Variants in SIDT1 observed in about 807,000 individuals in gnomAD.
The protein encoded by SIDT1 is SID1 transmembrane family member 1, also known as SID1 transmembrane family, member 1.
SIDT1 carries 101 observed loss-of-function variants against 107.5 expected under a neutral mutation model. The observed-to-expected ratio is 0.94, with a 90% CI of 0.80 to 1.11. SIDT1 has a LOEUF of 1.11. Among genes scored for constraint, SIDT1 ranks in the 50% least tolerant of loss-of-function variants. The pLI, the probability that SIDT1 is intolerant of heterozygous loss-of-function variation, is 0.00. For synonymous variants in SIDT1, 395 were observed against 398.2 expected, an observed-to-expected ratio of 0.99 and a Z score of 0.10; for missense variants, 1,076 against 1,058.2, an observed-to-expected ratio of 1.02 and a Z score of -0.23.
chr3:113,619,852 T>A, intron 21 of SIDT1, 126 bp downstream of exon 21: 2 of 841,788 alleles, frequency 2.4e-6, no homozygotes, highest in South Asian at 1.6e-5. Context: ...CTGCTTGTTC[T>A]AGAGACTCAA....
chr3:113,625,146 G>T (rs758325038), intron 23 of SIDT1, among the ~76,000 whole-genome samples: 1 of 150,956 alleles, frequency 6.6e-6, no homozygotes, highest in African/African-American at 2.4e-5. Flanking sequence ...TTTTTTTTGG[G>T]GGGGCGGGGG....
intron 17 of SIDT1, among the ~76,000 whole-genome samples, chr3:113,610,397 A>G (rs1945648309): frequency 1.3e-5 from 2 of 152,238 alleles, no homozygotes; most frequent in African/African-American, 4.8e-5. Context: ...ACTAACGTTT[A>G]TTACTGTCAG....
chr3:113,566,507 C>A lies in SIDT1; in HGVS notation c.310C>A (p.Leu104Met). Residue 104 changes from leucine to methionine, a missense_variant, in exon 2 of 25, where the codon CTG (leucine) becomes ATG (methionine). Leu to Met is a conservative substitution (Grantham distance 15). Transcript: ENST00000264852. ...TGTGGTTCGCCAGCAGAAAGAGGTG[C>A]TGTCCTGGCAGGTTCCTCTGCTCTT... ...LVVVRQQKEVLSWQVPLLFQG... is the reference protein window; with the variant it reads ...LVVVRQQKEVMSWQVPLLFQG... 1 of 1,614,158 alleles carries A rather than the reference C, an allele frequency of 6.2e-7. No homozygotes were observed. The highest frequency in any genetic ancestry group is 2.2e-5 in the East Asian group (1 of 44,884).
At chr3:113,622,930 G>A (rs1946564709) in intron 21 of SIDT1, among the ~76,000 whole-genome samples, 1 of 152,096 alleles carries the variant, frequency 6.6e-6, no homozygotes, top group Non-Finnish European at 1.5e-5. Flanking sequence ...GCTCACGGCT[G>A]TAATCCCAGG....
intron 1 of SIDT1, among the ~76,000 whole-genome samples, chr3:113,550,754 C>A (rs1043684733): frequency 2.0e-5 from 3 of 151,760 alleles, no homozygotes; most frequent in Non-Finnish European, 4.4e-5. Flanking sequence ...TATTTTATTT[C>A]TTTTTAAACT....
chr3:113,604,857 G>T, intron 13 of SIDT1, 53 bp from the exon 14 acceptor site: 2 of 1,592,164 alleles, frequency 1.3e-6, no homozygotes, highest in Non-Finnish European at 1.7e-6. Flanking sequence ...ATTAACCAAA[G>T]ACTCCACTGT....
rs746768716 is a variant in SIDT1, at chr3:113,601,648, A to T, written c.1106A>T (p.Tyr369Phe). 1.4e-5 allele frequency: 23 copies of T among 1,612,456 alleles called. No homozygotes were observed. Among genetic ancestry groups the T allele is most frequent in the Non-Finnish European group, 1.9e-5 (22 of 1,178,518 alleles). Residue 369 changes from tyrosine (Y) to phenylalanine (F), a missense_variant, in exon 11 of 25, where the codon TAT becomes TTT. Coordinates refer to ENST00000264852, the MANE Select transcript of SIDT1 (RefSeq NM_017699.3). Reference sequence around the variant, plus strand: ...GCCAGCACACCCGAAGGGAGCAATTATGGGACAATAGGTATGTCCTACCAG... The same window carrying T: ...GCCAGCACACCCGAAGGGAGCAATTTTGGGACAATAGGTATGTCCTACCAG... ...IAASTPEGSN[Y>F]GTIDESSSSP...
intron 3 of SIDT1, among the ~76,000 whole-genome samples, chr3:113,573,884 T>C (rs2107450488): frequency 6.6e-6 from 1 of 152,300 alleles, no homozygotes; most frequent in Middle Eastern, 3.4e-3. Context: ...CTGAATAGGC[T>C]AAGACAGGAG....
chr3:113,579,358 C>T (rs577917217), intron 4 of SIDT1, among the ~76,000 whole-genome samples: 2 of 152,300 alleles, frequency 1.3e-5, no homozygotes, highest in South Asian at 4.1e-4. Flanking sequence ...ATATGAGGCT[C>T]ATTATTGCCA....
chr3:113,590,831 C>T (rs1944092830), intron 9 of SIDT1, among the ~76,000 whole-genome samples: 2 of 152,268 alleles, frequency 1.3e-5, no homozygotes, highest in South Asian at 4.1e-4. Context: ...AATGAAAAGA[C>T]ATCCCATGTG....
intron 9 of SIDT1, chr3:113,590,207 G>T (rs1944044905): frequency 6.6e-6 from 1 of 152,152 alleles, no homozygotes; most frequent in African/African-American, 2.4e-5. Context: ...AAAAGCCAAA[G>T]CCCTCTGCCA....
chr3:113,576,796 A>G (rs1368167398), intron 3 of SIDT1, 126 bp from the exon 4 acceptor site: 3 of 988,758 alleles, frequency 3.0e-6, no homozygotes, highest in East Asian at 4.8e-5. Context: ...AACTCCCCTC[A>G]CCAAGGGTGA....
intron 1 of SIDT1, among the ~76,000 whole-genome samples, chr3:113,562,514 T>C (rs1033499383): frequency 6.6e-5 from 10 of 152,242 alleles, no homozygotes; most frequent in Admixed American, 3.9e-4. Flanking sequence ...GGTATGTGCA[T>C]GCAATGTAAT....
intron 1 of SIDT1, among the ~76,000 whole-genome samples, chr3:113,565,329 C>G (rs1195516502): frequency 6.6e-6 from 1 of 151,884 alleles, no homozygotes; most frequent in Non-Finnish European, 1.5e-5. Flanking sequence ...GTCAGCAGTT[C>G]GAGACCAGCC....
intron 20 of SIDT1, among the ~76,000 whole-genome samples, chr3:113,618,210 T>C (rs1342775609): frequency 6.6e-6 from 1 of 152,252 alleles, no homozygotes; most frequent in East Asian, 1.9e-4. Context: ...TTCCACTTAG[T>C]AATAAGCATT....
intron 4 of SIDT1, among the ~76,000 whole-genome samples, chr3:113,578,662 A>G (rs1265737519): frequency 6.6e-6 from 1 of 151,994 alleles, no homozygotes; most frequent in Non-Finnish European, 1.5e-5. Flanking sequence ...AGCCTGGGCA[A>G]CATAGCAAGA....
At chr3:113,633,582 G>A (rs557124302), downstream of SIDT1, among the ~76,000 whole-genome samples, 41 of 152,318 alleles carry the variant, frequency 2.7e-4, no homozygotes, top group African/African-American at 9.9e-4. Context: ...CTTTAAACAA[G>A]AAGGTAAATG....
chr3:113,547,544 A>G (rs35274817), intron 1 of SIDT1, among the ~76,000 whole-genome samples: 18,781 of 152,166 alleles, frequency 0.12, 1,198 homozygotes, highest in Non-Finnish European at 0.15. Context: ...AAAGAAGGAC[A>G]TGGAGATGCT....
At chr3:113,608,688 T>C in intron 17 of SIDT1, 152 bp downstream of exon 17, 1 of 646,402 alleles carries the variant, frequency 1.5e-6, no homozygotes, top group Non-Finnish European at 2.8e-6. Context: ...GAGCATGACC[T>C]AATTGAGCAG....
Sources: gnomAD v4.1 joint callset for allele counts (sites outside exome capture counted in the v4.1 genomes callset) on GRCh38, gnomAD v4.1.1 for gene constraint, MANE v1.5 for transcripts, NCBI Gene and HGNC (gene_info 2026-07-23, HGNC 2026-07-21) for gene names.